Variants in WDR27 observed in about 807,000 individuals in gnomAD.
The protein encoded by WDR27 is WD repeat-containing protein 27.
In WDR27, 100 loss-of-function variants were observed where a neutral mutation model predicts 114.4. That is an observed-to-expected ratio of 0.87 (90% CI 0.74 to 1.03). WDR27 has a LOEUF of 1.03. WDR27 is among the 50% of genes least tolerant of loss of function. WDR27 has a pLI of 0.00. For missense variants in WDR27, 1,129 were observed against 1,092.9 expected (o/e 1.03, Z -0.47); for synonymous variants, 449 against 423.1 (o/e 1.06, Z -0.75).
chr6:169,684,837 T>C lies in WDR27; in HGVS notation c.189+3980A>G, dbSNP rs7746598. ...GCCCCAGGAGCTGCCCCAGCAGATA[T>C]GTCCCCACGCTGGCCAAGCAACCAT... On this transcript the variant is annotated intron_variant, in intron 2 of 25. Transcript: ENST00000448612. This position sits in a 1 kb window ranked among gnomAD's most constrained non-coding sequence, Gnocchi z 4.3. 0.036 allele frequency among the ~76,000 whole-genome samples: 5,552 copies of C among 152,158 alleles called. 342 individuals are homozygous for C. Among genetic ancestry groups the C allele is most frequent in the African/African-American group, 0.13 (5,285 of 41,470 alleles).
intron 23 of WDR27, among the ~76,000 whole-genome samples, chr6:169,596,347 C>T (rs561068939): frequency 3.2e-4 from 48 of 151,562 alleles, no homozygotes; most frequent in Admixed American, 1.8e-3. Context: ...ATCCTTTTTC[C>T]CTATTGTGCT....
chr6:169,602,191 C>CATT (rs1419399634), intron 23 of WDR27, 28 bp downstream of exon 23: 1 of 1,482,282 alleles, frequency 6.7e-7, no homozygotes. Flanking sequence ...AGACTCTCTA[C>CATT]ATTTATAGAC....
intron 24 of WDR27, among the ~76,000 whole-genome samples, chr6:169,573,693 C>T (rs2867147): frequency 0.47 from 71,875 of 152,060 alleles, 20,303 homozygotes; most frequent in Non-Finnish European, 0.65. Flanking sequence ...TGTGACTCTG[C>T]TATCCATTCC....
intron 21 of WDR27, among the ~76,000 whole-genome samples, chr6:169,629,313 G>A (rs1815701961): frequency 6.6e-6 from 1 of 151,750 alleles, no homozygotes; most frequent in African/African-American, 2.4e-5. Context: ...AAAAATTTGG[G>A]AACTAAATTG....
chr6:169,642,972 A>G (rs1201035498), intron 17 of WDR27, among the ~76,000 whole-genome samples: 3 of 152,228 alleles, frequency 2.0e-5, no homozygotes, highest in Non-Finnish European at 2.9e-5. Context: ...AAAATCTGAA[A>G]TCTGAGATGC....
rs1228868534 is a variant in WDR27 at position 169,660,550 on chromosome 6, A to G, written c.1129+113T>C. ...CTCAATGCTGAGTTGTGACTGAAGC[A>G]TCTCATCCTCAGATTCACACGGCAA... On this transcript the variant is annotated intron_variant, in intron 10 of 25. Transcript: ENST00000448612. The G allele has an allele frequency of 4.7e-6, 4 of 847,556 alleles. No individual in the cohort carries two copies. In the East Asian group the frequency reaches 7.6e-5, roughly 16 times the overall value. The allele number at this position is 847,556 out of a possible 1,614,324, so 52.5% of individuals were successfully genotyped here.
chr6:169,487,625 C>T (rs1022409729), intron 25 of WDR27, among the ~76,000 whole-genome samples: 3 of 152,152 alleles, frequency 2.0e-5, no homozygotes, highest in Non-Finnish European at 4.4e-5. Context: ...CCAAAACTTT[C>T]CAATGTATTA....
intron 25 of WDR27, among the ~76,000 whole-genome samples, chr6:169,526,749 A>C (rs1415268394): frequency 1.3e-5 from 2 of 152,264 alleles, no homozygotes; most frequent in African/African-American, 2.4e-5. Context: ...CCAGTTATAT[A>C]TTTGATATGA....
chr6:169,694,375 C>T (rs1785288079), intron 1 of WDR27, among the ~76,000 whole-genome samples: 1 of 152,108 alleles, frequency 6.6e-6, no homozygotes, highest in Admixed American at 6.5e-5. Context: ...ACATACACTG[C>T]TGGTAAAAGA....
chr6:169,436,036 A>G, the WDR27 span, among the ~76,000 whole-genome samples: 1 of 152,118 alleles, frequency 6.6e-6, no homozygotes, highest in South Asian at 2.1e-4. Context: ...TTTTTTGGTC[A>G]TCTGTATTTT....
rs1243607990 is a variant in WDR27 at position 169,645,032 on chromosome 6, A to T, written c.1658-1246T>A. Reference sequence around the variant, plus strand: ...TCAAAAAAAAAAAAAATAAAAAAAAAAAATAAAAAAAAAAAAAAAAAAAAA... The same window carrying T: ...TCAAAAAAAAAAAAAATAAAAAAAATAAATAAAAAAAAAAAAAAAAAAAAA... On this transcript the variant is annotated intron_variant, in intron 16 of 25. Coordinates refer to ENST00000448612, the MANE Select transcript of WDR27 (RefSeq NM_182552.5). Among the ~76,000 whole-genome samples the T allele has an allele frequency of 2.4e-4, 31 of 127,498 alleles. 4 individuals carry two copies. The highest frequency in any genetic ancestry group is 5.9e-4 in the African/African-American group (18 of 30,512). 83.6% of individuals were successfully genotyped at this position (127,498 alleles called of 152,430 possible).
At chr6:169,582,985 A>T in intron 23 of WDR27, 51 bp from the exon 24 acceptor site, 1 of 1,545,296 alleles carries the variant, frequency 6.5e-7, no homozygotes. Context: ...GTCAGGAATC[A>T]CCTGTAAGCT....
intron 6 of WDR27, chr6:169,666,632 T>C: frequency 1.0e-6 from 1 of 985,708 alleles, no homozygotes; most frequent in Non-Finnish European, 1.2e-6. Context: ...GCTGTAGCTG[T>C]GTGGCCGTGT....
chr6:169,460,424 A>G (rs1387303564), intron 25 of WDR27, among the ~76,000 whole-genome samples: 1 of 152,162 alleles, frequency 6.6e-6, no homozygotes, highest in Non-Finnish European at 1.5e-5. Flanking sequence ...CCACAAAGAA[A>G]ACAGCTATAA....
intron 25 of WDR27, among the ~76,000 whole-genome samples, chr6:169,521,648 A>C (rs1794396617): frequency 6.6e-6 from 1 of 152,070 alleles, no homozygotes; most frequent in Non-Finnish European, 1.5e-5. Context: ...AGACTACTAA[A>C]AGTCAAAATA....
intron 25 of WDR27, among the ~76,000 whole-genome samples, chr6:169,464,067 A>C (rs1254380312): frequency 6.6e-6 from 1 of 152,226 alleles, no homozygotes; most frequent in Non-Finnish European, 1.5e-5. Context: ...CTGAATAGTA[A>C]AAACAATCTT....
chr6:169,504,517 TG>T (rs200116031), intron 25 of WDR27, among the ~76,000 whole-genome samples: 5,117 of 152,266 alleles, frequency 0.034, 209 homozygotes, highest in African/African-American at 0.1. Flanking sequence ...CATGTGGAAC[TG>T]TGAGTCAATT....
rs1796852953 is a variant in WDR27, at chr6:169,541,519, C to CTG, written c.2645+30899_2645+30900insCA. On this transcript the variant is annotated intron_variant, in intron 25 of 25. Coordinates refer to ENST00000448612, the MANE Select transcript of WDR27 (RefSeq NM_182552.5). ...AAACGTGTGCTGAGAATTGCAGAACCAGCCAGCCTGGCCTTCAGGCACGAG... is the reference window on the plus strand; with the variant it reads ...AAACGTGTGCTGAGAATTGCAGAACCTGAGCCAGCCTGGCCTTCAGGCACGAG... 3.3e-5 allele frequency among the ~76,000 whole-genome samples: 5 copies of CTG among 152,356 alleles called. No individual in the cohort carries two copies. In the South Asian group the frequency reaches 1.0e-3, roughly 32 times the overall value.
intron 4 of WDR27, chr6:169,670,066 T>G (rs1778289088): frequency 6.5e-6 from 1 of 152,726 alleles, no homozygotes; most frequent in Non-Finnish European, 1.5e-5. Context: ...TTCCCTTAGA[T>G]TCCCACTTCC....
Sources: allele counts gnomAD v4.1 joint callset (sites outside exome capture counted in the v4.1 genomes callset), GRCh38; gene constraint gnomAD v4.1.1; non-coding constraint Gnocchi (gnomAD v3.1); transcripts MANE v1.5; gene names NCBI Gene and HGNC (gene_info 2026-07-23, HGNC 2026-07-21).